Variants in PCDHGB4 observed in about 807,000 individuals in gnomAD.
The protein encoded by PCDHGB4 is protocadherin gamma-B4.
A neutral mutation model predicts 60.5 loss-of-function variants in PCDHGB4; 38 were observed. The ratio of observed to expected loss-of-function variants is 0.63; its 90% CI spans 0.48 to 0.82. The LOEUF (loss-of-function observed/expected upper bound fraction) is 0.82, where lower values mean the gene tolerates loss of function less well. Ranked by LOEUF, PCDHGB4 falls within the 40% of genes least tolerant of loss-of-function variation. The pLI, the probability that PCDHGB4 is intolerant of heterozygous loss-of-function variation, is 0.00. For synonymous variants in PCDHGB4, 456 were observed against 509.7 expected (o/e 0.89, Z 1.42); for missense variants, 1,109 against 1,209.6 (o/e 0.92, Z 1.23).
chr5:141,399,195 G>A (rs773731727), intron 1 of PCDHGB4: 5 of 1,613,852 alleles, frequency 3.1e-6, no homozygotes, highest in Non-Finnish European at 4.2e-6. Context: ...TGGAAAACGC[G>A]GTGCCTGGAA....
At chr5:141,461,007 A>G (rs965754689) in intron 1 of PCDHGB4, among the ~76,000 whole-genome samples, 1 of 151,418 alleles carries the variant, frequency 6.6e-6, no homozygotes, top group Non-Finnish European at 1.5e-5. Flanking sequence ...GTGTATATAT[A>G]TATACCACAT....
At chr5:141,399,851 C>T (rs971471583) in intron 1 of PCDHGB4, 3 of 1,612,950 alleles carry the variant, frequency 1.9e-6, no homozygotes, top group Non-Finnish European at 2.5e-6. Flanking sequence ...GATATGGTGC[C>T]GCGCGCTGCA....
chr5:141,404,490 T>A (rs748668164), intron 1 of PCDHGB4: 6 of 1,613,632 alleles, frequency 3.7e-6, no homozygotes, highest in Non-Finnish European at 5.1e-6. Flanking sequence ...GACACTGGTG[T>A]GCTGTATGCT....
chr5:141,410,054 A>C, intron 1 of PCDHGB4: 1 of 1,613,064 alleles, frequency 6.2e-7, no homozygotes. Context: ...CGGACTCTTC[A>C]GCCTGGGGCT....
chr5:141,506,262 A>G (rs1395369571), intron 3 of PCDHGB4, among the ~76,000 whole-genome samples: 1 of 152,046 alleles, frequency 6.6e-6, no homozygotes, highest in Admixed American at 6.6e-5. Context: ...CGGCCTGGCC[A>G]ACATAGTGAA....
chr5:141,399,753 G>T (rs1418820057), intron 1 of PCDHGB4: 8 of 1,613,370 alleles, frequency 5.0e-6, no homozygotes, highest in Non-Finnish European at 6.8e-6. Context: ...GCGCAAACGT[G>T]AGCCTGCGCG....
At chr5:141,510,900 G>A in intron 3 of PCDHGB4, 47 bp from the exon 4 acceptor site, 6 of 1,613,378 alleles carry the variant, frequency 3.7e-6, no homozygotes, top group Non-Finnish European at 5.1e-6. Context: ...AGTGACTGTT[G>A]AGGACCCTAA....
At chr5:141,449,022 A>G (rs2154562454) in intron 1 of PCDHGB4, among the ~76,000 whole-genome samples, 1 of 152,312 alleles carries the variant, frequency 6.6e-6, no homozygotes, top group Admixed American at 6.5e-5. Context: ...GTTGCTTAGC[A>G]TTCCTTTGGA....
At chr5:141,390,444 G>A in intron 1 of PCDHGB4, 163 bp downstream of exon 1, 1 of 870,148 alleles carries the variant, frequency 1.1e-6, no homozygotes, top group South Asian at 1.8e-5. Context: ...TTCTACAAAG[G>A]AGGAGTAAAG....
rs2098995125 is a variant in PCDHGB4 at position 141,460,673 on chromosome 5, A to G, written c.2398-34134A>G. 2.6e-5 allele frequency among the ~76,000 whole-genome samples: 4 copies of G among 152,244 alleles called. No homozygotes were observed. The South Asian group carries it at 8.3e-4, about 32-fold the overall frequency. On this transcript the variant is annotated intron_variant, in intron 1 of 3. Coordinates refer to ENST00000519479, the MANE Select transcript of PCDHGB4 (RefSeq NM_003736.4). ...CATATGTAACTGTAAACACAGTTAT[A>G]TATCTATATATCCACCAACAGTTGA... is the stretch of plus-strand genomic sequence containing the variant.
At chr5:141,441,886 A>C (rs2098281968) in intron 1 of PCDHGB4, 1 of 345,040 alleles carries the variant, frequency 2.9e-6, no homozygotes, top group Non-Finnish European at 5.6e-6. Flanking sequence ...CCTGGTCACC[A>C]AGGTGGTGGC....
chr5:141,489,660 G>A lies in PCDHGB4; in HGVS notation c.2398-5147G>A, dbSNP rs763985085. 3 of 1,614,096 alleles carry A rather than the reference G, an allele frequency of 1.9e-6. No individual in the cohort carries two copies. Among genetic ancestry groups the A allele is most frequent in the Non-Finnish European group, 2.5e-6 (3 of 1,180,036 alleles). On this transcript the variant is annotated intron_variant, in intron 1 of 3. Coordinates refer to ENST00000519479, the MANE Select transcript of PCDHGB4 (RefSeq NM_003736.4). The surrounding 1 kb of genome is among the most constrained non-coding windows in gnomAD (Gnocchi z 4.5). Reference sequence around the variant, plus strand: ...GCTTTGCCACCCCTGAGCGAGAGATGCGCATCTCAGAATCAGCAGCATCTG... The same window carrying A: ...GCTTTGCCACCCCTGAGCGAGAGATACGCATCTCAGAATCAGCAGCATCTG...
At chr5:141,391,324 T>C (rs1246568740) in intron 1 of PCDHGB4, 2 of 151,644 alleles carry the variant, frequency 1.3e-5, no homozygotes, top group Non-Finnish European at 2.9e-5. Context: ...TTTCTTTTTT[T>C]TTTTTTGAGA....
intron 1 of PCDHGB4, chr5:141,405,099 T>C: frequency 6.2e-7 from 1 of 1,613,942 alleles, no homozygotes; most frequent in East Asian, 2.2e-5. Flanking sequence ...GCCCTCAGGC[T>C]GAGGCACTGG....
Position 141,390,144 on chromosome 5 carries a change from G to A in PCDHGB4, c.2260G>A (p.Val754Ile). The change falls in exon 1 of 4, where the codon GTT (valine) becomes ATT (isoleucine). Residue 754 changes from valine to isoleucine, a missense_variant. By Grantham distance (29) the Val-to-Ile change is conservative (BLOSUM62 3). Coordinates refer to ENST00000519479, the MANE Select transcript of PCDHGB4 (RefSeq NM_003736.4). Reference protein sequence around the residue: ...GTLPYSYNLCVAHTGKTEFNF... With the variant: ...GTLPYSYNLCIAHTGKTEFNF... ...TTTGCCTTATTCCTACAATCTATGT[G>A]TTGCACATACAGGAAAGACGGAGTT... 6.2e-7 allele frequency: 1 copy of A among 1,614,036 alleles called. No individual in the cohort carries two copies. Among genetic ancestry groups the A allele is most frequent in the South Asian group, 1.1e-5 (1 of 91,086 alleles).
intron 1 of PCDHGB4, among the ~76,000 whole-genome samples, chr5:141,445,156 GT>G (rs1248104914): frequency 6.6e-6 from 1 of 152,018 alleles, no homozygotes; most frequent in Non-Finnish European, 1.5e-5. Flanking sequence ...TTCATTTCTA[GT>G]TTACAGAAAA....
chr5:141,509,572 G>T (rs955898202), intron 3 of PCDHGB4, among the ~76,000 whole-genome samples: 24 of 152,300 alleles, frequency 1.6e-4, no homozygotes, highest in Middle Eastern at 3.4e-3. Context: ...CCTTCACAGT[G>T]CGTACAAATC....
chr5:141,429,376 T>TG (rs2097206796), intron 1 of PCDHGB4, among the ~76,000 whole-genome samples: 1 of 144,558 alleles, frequency 6.9e-6, no homozygotes, highest in Non-Finnish European at 1.5e-5. Context: ...GGAGAAAATG[T>TG]GTTTTTTTTT....
intron 1 of PCDHGB4, among the ~76,000 whole-genome samples, chr5:141,435,953 G>A (rs2097789156): frequency 6.6e-6 from 1 of 151,984 alleles, no homozygotes; most frequent in Non-Finnish European, 1.5e-5. Context: ...CAAAAAAGGG[G>A]GCAAAATATA....
Sources: allele counts gnomAD v4.1 joint callset (sites outside exome capture counted in the v4.1 genomes callset), GRCh38; gene constraint gnomAD v4.1.1; non-coding constraint Gnocchi (gnomAD v3.1); transcripts MANE v1.5; gene names NCBI Gene and HGNC (gene_info 2026-07-23, HGNC 2026-07-21).